Variants in RBFOX1 observed in about 807,000 individuals in gnomAD.
RBFOX1 encodes RNA binding protein fox-1 homolog 1.
RBFOX1 carries 8 observed loss-of-function variants against 57.7 expected under a neutral mutation model. The ratio of observed to expected loss-of-function variants is 0.14; its 90% CI spans 0.08 to 0.25. RBFOX1 has a LOEUF of 0.25. RBFOX1 is among the 10% of genes least tolerant of loss of function. The pLI is 1.00. For synonymous variants in RBFOX1, 326 were observed against 222.4 expected (o/e 1.47, Z -4.15); for missense variants, 611 against 548.5 (o/e 1.11, Z -1.14).
intron 2 of RBFOX1, chr16:6,483,695 C>A (rs1597914848): frequency 2.6e-6 from 3 of 1,159,334 alleles, no homozygotes; most frequent in Admixed American, 5.8e-5. Context: ...GGGACGGGGG[C>A]GGGCGACAGG....
chr16:5,732,876 A>G (rs914806603), intron 3 of RBFOX1, among the ~76,000 whole-genome samples: 4 of 152,128 alleles, frequency 2.6e-5, no homozygotes, highest in African/African-American at 9.7e-5. Flanking sequence ...AAAGACCCCA[A>G]AAGGAAAATA....
intron 3 of RBFOX1, among the ~76,000 whole-genome samples, chr16:7,003,759 C>T (rs1275135940): frequency 6.6e-6 from 1 of 152,074 alleles, no homozygotes; most frequent in Non-Finnish European, 1.5e-5. Flanking sequence ...ATGATATGCA[C>T]ATCAAGTCTA....
chr16:7,086,677 A>G (rs992172461), intron 4 of RBFOX1, among the ~76,000 whole-genome samples: 2 of 151,220 alleles, frequency 1.3e-5, no homozygotes, highest in South Asian at 2.1e-4. Context: ...CTGCTGCAAA[A>G]TTTCCTAGGT....
chr16:6,186,824 C>T (rs185200733), intron 1 of RBFOX1, among the ~76,000 whole-genome samples: 1 of 152,046 alleles, frequency 6.6e-6, no homozygotes, highest in East Asian at 1.9e-4. Flanking sequence ...TCCATGTGGG[C>T]AGTATTGGGC....
chr16:7,369,146 G>A (rs912667438), intron 4 of RBFOX1, among the ~76,000 whole-genome samples: 6 of 152,044 alleles, frequency 3.9e-5, no homozygotes, highest in African/African-American at 9.7e-5. Flanking sequence ...ATCCCACTCC[G>A]GTGGGACCCA....
chr16:6,699,214 A>G (rs552957782), intron 3 of RBFOX1, among the ~76,000 whole-genome samples: 1 of 151,778 alleles, frequency 6.6e-6, no homozygotes, highest in African/African-American at 2.4e-5. Context: ...CATATGGACT[A>G]CTGTTCTGGG....
At chr16:5,555,447 C>T (rs947533479) in intron 2 of RBFOX1, among the ~76,000 whole-genome samples, 5 of 151,580 alleles carry the variant, frequency 3.3e-5, no homozygotes, top group Admixed American at 2.0e-4. Context: ...GACGCGGTTT[C>T]GCCATCTTGA....
chr16:6,672,617 C>G (rs1463255375), intron 3 of RBFOX1, among the ~76,000 whole-genome samples: 2 of 152,104 alleles, frequency 1.3e-5, no homozygotes, highest in Non-Finnish European at 2.9e-5. Context: ...TATAAGACTA[C>G]TGACTTCAGG....
At position 6,780,360 on chromosome 16, in the gene RBFOX1, T is replaced by G. The variant is rs1361139915; in HGVS notation, c.-16+125710T>G. On this transcript the variant is annotated intron_variant, in intron 3 of 15. Transcript: ENST00000550418. ...ATACATATTTATATACATATTTATA[T>G]ACATATTTATAGATATATTTATACA... is the stretch of plus-strand genomic sequence containing the variant. 5.4e-4 allele frequency among the ~76,000 whole-genome samples: 50 copies of G among 93,248 alleles called. 1 individual carries two copies. In the South Asian group the frequency reaches 0.014, roughly 26 times the overall value. The allele number at this position is 93,248 out of a possible 152,430, so 61.2% of individuals were successfully genotyped here.
intron 4 of RBFOX1, among the ~76,000 whole-genome samples, chr16:6,009,671 T>A (rs183553171): frequency 5.5e-4 from 83 of 152,182 alleles, no homozygotes; most frequent in Non-Finnish European, 9.8e-4. Context: ...AGCCCTCAGA[T>A]CTTAAAATCA....
chr16:6,370,894 A>G (rs1015131524), intron 2 of RBFOX1, among the ~76,000 whole-genome samples: 1 of 152,256 alleles, frequency 6.6e-6, no homozygotes. Context: ...ATATGTAAAT[A>G]TAATGTCAAT....
chr16:6,550,218 C>A (rs960593082), intron 2 of RBFOX1, among the ~76,000 whole-genome samples: 1 of 152,008 alleles, frequency 6.6e-6, no homozygotes, highest in South Asian at 2.1e-4. Context: ...TACTCTGTCG[C>A]CCAGACTGGA....
chr16:5,492,883 A>G (rs2042880277), intron 2 of RBFOX1, among the ~76,000 whole-genome samples: 1 of 152,182 alleles, frequency 6.6e-6, no homozygotes, highest in Admixed American at 6.5e-5. Context: ...ATGGGAGAGG[A>G]AATCTGACTA....
chr16:6,912,965 C>T (rs1292666428), intron 3 of RBFOX1, among the ~76,000 whole-genome samples: 2 of 152,018 alleles, frequency 1.3e-5, no homozygotes, highest in African/African-American at 4.8e-5. Flanking sequence ...GGCAATATCT[C>T]ACCTCATCTG....
chr16:7,188,219 C>G (rs550458419), intron 4 of RBFOX1, among the ~76,000 whole-genome samples: 215 of 152,294 alleles, frequency 1.4e-3, no homozygotes, highest in Middle Eastern at 6.8e-3. Flanking sequence ...AGCCTGTGTG[C>G]ATTCTGCATA....
At chr16:7,142,118 G>T (rs78672511) in intron 4 of RBFOX1, among the ~76,000 whole-genome samples, 1 of 152,028 alleles carries the variant, frequency 6.6e-6, no homozygotes, top group South Asian at 2.1e-4. Flanking sequence ...CAACCTCCCA[G>T]GCTAAAGGGA....
intron 3 of RBFOX1, among the ~76,000 whole-genome samples, chr16:7,002,315 C>G (rs925571124): frequency 6.6e-6 from 1 of 152,200 alleles, no homozygotes; most frequent in South Asian, 2.1e-4. Context: ...CTTGTATCCT[C>G]TAAAGCTATT....
At chr16:7,218,831 C>A (rs1355573341) in intron 4 of RBFOX1, among the ~76,000 whole-genome samples, 1 of 151,866 alleles carries the variant, frequency 6.6e-6, no homozygotes, top group African/African-American at 2.4e-5. Flanking sequence ...TCAGAAGTTG[C>A]TGCTACATTT....
intron 2 of RBFOX1, among the ~76,000 whole-genome samples, chr16:5,525,662 TA>T (rs1327270365): frequency 2.0e-5 from 3 of 151,954 alleles, no homozygotes; most frequent in African/African-American, 7.3e-5. Flanking sequence ...CAAGCCCTGT[TA>T]ATTTTTGTAT....
Sources: allele counts gnomAD v4.1 joint callset (sites outside exome capture counted in the v4.1 genomes callset), GRCh38; gene constraint gnomAD v4.1.1; transcripts MANE v1.5; gene names NCBI Gene and HGNC (gene_info 2026-07-23, HGNC 2026-07-21).